The following ECSIT variants were observed in gnomAD, a reference collection of about 807,000 sequenced individuals.
The protein encoded by ECSIT is evolutionarily conserved signaling intermediate in Toll pathway, mitochondrial.
In ECSIT, 29 loss-of-function variants were observed where a neutral mutation model predicts 36.8. The observed-to-expected ratio is 0.79, with a 90% CI of 0.59 to 1.08. ECSIT has a LOEUF of 1.08. ECSIT is among the 50% of genes least tolerant of loss of function. The pLI, the probability that ECSIT is intolerant of heterozygous loss-of-function variation, is 0.00. For missense variants in ECSIT, 542 were observed against 581.0 expected (o/e 0.93, Z 0.69); for synonymous variants, 231 against 234.8 (o/e 0.98, Z 0.15).
At position 11,513,174 on chromosome 19, in the gene ECSIT, A is replaced by G. The variant is rs1311145669; in HGVS notation, c.620T>C (p.Phe207Ser). 8.1e-6 allele frequency: 13 copies of G among 1,614,064 alleles called. No homozygotes were observed. Among genetic ancestry groups the G allele is most frequent in the Non-Finnish European group, 1.1e-5 (13 of 1,180,048 alleles). The change falls in exon 4 of 8, where the codon TTC becomes TCC. Residue 207 changes from phenylalanine to serine, a missense_variant. Coordinates refer to ENST00000270517, the MANE Select transcript of ECSIT (RefSeq NM_016581.5). ...CACTGGGAAGGGGTTGACGTTCATGAATCGAGGGAACCACAGCTTCAGGCG... is the reference window on the plus strand; with the variant it reads ...CACTGGGAAGGGGTTGACGTTCATGGATCGAGGGAACCACAGCTTCAGGCG... ...LVRLKLWFPRFMNVNPFPVPR... is the reference protein window; with the variant it reads ...LVRLKLWFPRSMNVNPFPVPR...
chr19:11,519,517 A>G lies in ECSIT; in HGVS notation c.-23-324T>C, dbSNP rs1303981787. ...GCTAATTTGAAAATAGTTTGCAGAG[A>G]CCCAGGGTCTTGCTGTGTTGCCCAG... On this transcript the variant is annotated intron_variant, in intron 1 of 7. Transcript: ENST00000270517. This position sits in a 1 kb window ranked among gnomAD's most constrained non-coding sequence, Gnocchi z 4.4. Among the ~76,000 whole-genome samples, 7 of 152,018 alleles carry G rather than the reference A, an allele frequency of 4.6e-5. No individual in the cohort carries two copies. Among genetic ancestry groups the G allele is most frequent in the African/African-American group, 1.7e-4 (7 of 41,374 alleles).
intron 1 of ECSIT, chr19:11,522,519 T>C: frequency 1.1e-6 from 1 of 901,646 alleles, no homozygotes; most frequent in East Asian, 2.6e-5. Flanking sequence ...CTCACCCAGG[T>C]GTGCCCCACG....
intron 2 of ECSIT, among the ~76,000 whole-genome samples, chr19:11,515,173 G>A (rs1323043168): frequency 1.4e-5 from 2 of 144,400 alleles, no homozygotes; most frequent in Admixed American, 1.4e-4. Context: ...GCGCGATCTC[G>A]GCTCATTGCA....
chr19:11,507,893 G>T (rs780074844), intron 5 of ECSIT, 43 bp from the exon 6 acceptor site: 2 of 1,613,882 alleles, frequency 1.2e-6, no homozygotes, highest in Non-Finnish European at 1.7e-6. Flanking sequence ...CAAGGGACTC[G>T]GCCCAGAGGC....
rs140926674 is a variant in ECSIT at position 11,507,846 on chromosome 19, G to A, written c.801C>T (p.Ile267=). 1.8e-5 allele frequency: 29 copies of A among 1,613,596 alleles called. No homozygotes were observed. In the African/African-American group the frequency reaches 3.6e-4, roughly 20 times the overall value. ...GGGCGGCCTGCTGATCGGGACTCTG[G>A]ATTCCTGGTGTGGAGACATACATGC... is the stretch of plus-strand genomic sequence containing the variant. The part of the protein sequence containing the change: ...ADPPQPHIVG[I]QSPDQQAALA... The change falls in exon 6 of 8, where the codon ATC becomes ATT. Residue 267 remains isoleucine, a synonymous_variant. Coordinates refer to ENST00000270517, the MANE Select transcript of ECSIT (RefSeq NM_016581.5).
chr19:11,522,520 G>A, intron 1 of ECSIT: 1 of 889,470 alleles, frequency 1.1e-6, no homozygotes, highest in South Asian at 1.4e-5. Flanking sequence ...TCACCCAGGT[G>A]TGCCCCACGT....
chr19:11,512,990 C>T (rs2144976091), intron 4 of ECSIT, 66 bp downstream of exon 4: 1 of 1,486,458 alleles, frequency 6.7e-7, no homozygotes, highest in East Asian at 2.3e-5. Context: ...AGAAGGGGAG[C>T]CCAGGGGAGG....
chr19:11,526,641 T>C (rs932705824), intron 1 of ECSIT, among the ~76,000 whole-genome samples: 2 of 151,930 alleles, frequency 1.3e-5, no homozygotes, highest in Admixed American at 1.3e-4. Context: ...CCTCAATCTA[T>C]GACTTGGATA....
intron 3 of ECSIT, 55 bp from the exon 4 acceptor site, chr19:11,513,334 G>T: frequency 7.0e-7 from 1 of 1,427,504 alleles, no homozygotes; most frequent in Non-Finnish European, 9.9e-7. Context: ...GGAGGGAAGG[G>T]AAGAGGAGAA....
chr19:11,521,078 T>G (rs1001023193), intron 1 of ECSIT, among the ~76,000 whole-genome samples: 2 of 152,180 alleles, frequency 1.3e-5, no homozygotes, highest in African/African-American at 4.8e-5. Context: ...ATTGCTAGGA[T>G]TACAATCATG....
chr19:11,521,171 A>G (rs1012983521), intron 1 of ECSIT, among the ~76,000 whole-genome samples: 3 of 152,178 alleles, frequency 2.0e-5, no homozygotes, highest in East Asian at 1.9e-4. Context: ...GCATTCATCA[A>G]TTGATGGACA....
chr19:11,514,302 A>G, intron 2 of ECSIT, 81 bp from the exon 3 acceptor site: 1 of 1,371,400 alleles, frequency 7.3e-7, no homozygotes, highest in Non-Finnish European at 9.7e-7. Flanking sequence ...TTCCTCAGAG[A>G]GGTCCCAGTG....
At chr19:11,509,288 G>C (rs1391672224) in intron 4 of ECSIT, among the ~76,000 whole-genome samples, 2 of 150,936 alleles carry the variant, frequency 1.3e-5, no homozygotes, top group Non-Finnish European at 3.0e-5. Flanking sequence ...GGTCAGGCTG[G>C]TCTCAAACTC....
chr19:11,522,492 C>T (rs2144998427), intron 1 of ECSIT: 1 of 1,161,100 alleles, frequency 8.6e-7, no homozygotes, highest in Non-Finnish European at 1.3e-6. Context: ...CCAACACCTT[C>T]TTCTAGGGGT....
chr19:11,518,080 CA>C (rs1972031590), intron 2 of ECSIT, among the ~76,000 whole-genome samples: 1 of 151,472 alleles, frequency 6.6e-6, no homozygotes, highest in African/African-American at 2.4e-5. Context: ...ACTGAGGGCC[CA>C]GAGGTTCAAG....
chr19:11,507,946 TG>T, intron 5 of ECSIT, 44 bp downstream of exon 5: 1 of 1,614,004 alleles, frequency 6.2e-7, no homozygotes, highest in Non-Finnish European at 8.5e-7. Flanking sequence ...TGGCAGGGCC[TG>T]GGTAAGGTTA....
intron 4 of ECSIT, among the ~76,000 whole-genome samples, chr19:11,509,230 G>A (rs192269042): frequency 7.1e-4 from 108 of 151,486 alleles, no homozygotes; most frequent in African/African-American, 2.5e-3. Context: ...GCACCACCAC[G>A]TCTGGCTAAT....
intron 1 of ECSIT, among the ~76,000 whole-genome samples, chr19:11,526,183 T>C (rs1972212732): frequency 6.6e-6 from 1 of 152,132 alleles, no homozygotes; most frequent in Admixed American, 6.5e-5. Flanking sequence ...CAGACTGGTC[T>C]TGAACTCCTG....
chr19:11,511,598 A>G lies in ECSIT; in HGVS notation c.738+1458T>C, dbSNP rs539934436. Among the ~76,000 whole-genome samples the G allele has an allele frequency of 1.9e-3, 292 of 152,258 alleles. 1 individual carries two copies. Among genetic ancestry groups the G allele is most frequent in the Non-Finnish European group, 3.4e-3 (228 of 68,014 alleles). On this transcript the variant is annotated intron_variant, in intron 4 of 7. Transcript: ENST00000270517. ...GTTGGGAGAAGGATGGGAGGGTGCTATGGTCTGAATGTTTATGGCCCCCTG... is the reference window on the plus strand; with the variant it reads ...GTTGGGAGAAGGATGGGAGGGTGCTGTGGTCTGAATGTTTATGGCCCCCTG...
Sources: gnomAD v4.1 joint callset for allele counts (sites outside exome capture counted in the v4.1 genomes callset) on GRCh38, gnomAD v4.1.1 for gene constraint, Gnocchi (gnomAD v3.1) non-coding constraint, MANE v1.5 for transcripts, NCBI Gene and HGNC (gene_info 2026-07-23, HGNC 2026-07-21) for gene names.